PPP4R4: variants seen among roughly 807,000 people sequenced by gnomAD.
The protein encoded by PPP4R4 is protein phosphatase 4 regulatory subunit 4, also known as serine/threonine-protein phosphatase 4 regulatory subunit 4.
In PPP4R4, 70 loss-of-function variants were observed where a neutral mutation model predicts 121.8. That is an observed-to-expected ratio of 0.57 (90% CI 0.47 to 0.70). PPP4R4 has a LOEUF of 0.70. Among genes scored for constraint, PPP4R4 ranks in the 30% least tolerant of loss-of-function variants. The pLI is 0.00. For synonymous variants in PPP4R4, 348 were observed against 355.7 expected (o/e 0.98, Z 0.24); for missense variants, 875 against 1,033.6 (o/e 0.85, Z 2.10).
At chr14:94,230,759 A>C (rs779712657) in intron 4 of PPP4R4, 25 bp downstream of exon 4, 3 of 1,585,230 alleles carry the variant, frequency 1.9e-6, no homozygotes, top group Non-Finnish European at 2.6e-6. Flanking sequence ...ATGCTTAATT[A>C]TATACTTGTT....
At chr14:94,203,764 T>G (rs1890316028) in intron 2 of PPP4R4, among the ~76,000 whole-genome samples, 1 of 152,222 alleles carries the variant, frequency 6.6e-6, no homozygotes, top group African/African-American at 2.4e-5. Context: ...TCATTGTCCT[T>G]TTACTTTGTG....
At chr14:94,211,693 A>G (rs1156614806) in intron 3 of PPP4R4, among the ~76,000 whole-genome samples, 3 of 152,150 alleles carry the variant, frequency 2.0e-5, no homozygotes. Context: ...TGGTTATTGT[A>G]TGGAGAATAG....
intron 3 of PPP4R4, among the ~76,000 whole-genome samples, chr14:94,221,683 CA>C (rs1163531327): frequency 6.6e-6 from 1 of 151,832 alleles, no homozygotes; most frequent in Admixed American, 6.6e-5. Flanking sequence ...AACAAACAAA[CA>C]AAAAAACAGC....
chr14:94,198,827 G>A (rs934688223), intron 2 of PPP4R4, among the ~76,000 whole-genome samples: 1 of 152,112 alleles, frequency 6.6e-6, no homozygotes, highest in Non-Finnish European at 1.5e-5. Context: ...AAACTCAATT[G>A]CGCATTTATG....
intron 2 of PPP4R4, among the ~76,000 whole-genome samples, chr14:94,204,318 G>A (rs1038483763): frequency 2.0e-5 from 3 of 151,892 alleles, no homozygotes; most frequent in Admixed American, 2.0e-4. Context: ...AGTTGCTTCA[G>A]TGCCGTTTGA....
chr14:94,218,413 CT>C lies in PPP4R4; in HGVS notation c.294+9848del, dbSNP rs757353408. Among the ~76,000 whole-genome samples, 27 of 140,132 alleles carry C rather than the reference CT, an allele frequency of 1.9e-4. No individual in the cohort carries two copies. The East Asian group carries it at 2.4e-3, about 13-fold the overall frequency. 91.9% of individuals were successfully genotyped at this position (140,132 alleles called of 152,430 possible). A position where few individuals can be genotyped will look rare whatever the true frequency, so the allele number is the denominator to read the frequency against. On this transcript the variant is annotated intron_variant, in intron 3 of 24. Transcript: ENST00000304338. ...CACACACACACACACCTCCTCACCC[CT>C]AGACACCGCACGCGCGCGCACACAC... is the stretch of plus-strand genomic sequence containing the variant.
At chr14:94,226,449 C>G (rs1217031106) in intron 3 of PPP4R4, among the ~76,000 whole-genome samples, 1 of 152,038 alleles carries the variant, frequency 6.6e-6, no homozygotes, top group Non-Finnish European at 1.5e-5. Flanking sequence ...TTTCAGTGAT[C>G]TCATCTAGTC....
chr14:94,192,002 A>G (rs931156716), intron 2 of PPP4R4, among the ~76,000 whole-genome samples: 1 of 152,152 alleles, frequency 6.6e-6, no homozygotes, highest in Admixed American at 6.5e-5. Context: ...TTTCCTGAGC[A>G]TCAGTAAGGA....
chr14:94,214,539 T>G (rs550802587), intron 3 of PPP4R4, among the ~76,000 whole-genome samples: 1 of 151,136 alleles, frequency 6.6e-6, no homozygotes, highest in Admixed American at 6.6e-5. Context: ...AAGAAAGAAA[T>G]AATAGGAAAA....
chr14:94,275,665 T>C (rs1894599279), intron 24 of PPP4R4, 144 bp downstream of exon 24: 1 of 916,198 alleles, frequency 1.1e-6, no homozygotes, highest in Non-Finnish European at 1.6e-6. Flanking sequence ...TATTGTCACA[T>C]GTGACTCTGT....
chr14:94,254,789 A>C (rs1033566839), intron 16 of PPP4R4, among the ~76,000 whole-genome samples: 1 of 152,200 alleles, frequency 6.6e-6, no homozygotes, highest in Non-Finnish European at 1.5e-5. Context: ...TTAGCAAAGG[A>C]GAGTATTTCC....
chr14:94,220,034 C>G (rs548554389), intron 3 of PPP4R4, among the ~76,000 whole-genome samples: 24 of 152,216 alleles, frequency 1.6e-4, no homozygotes, highest in African/African-American at 5.5e-4. Flanking sequence ...CCAGCCTGGC[C>G]AACATGGTGA....
intron 13 of PPP4R4, 128 bp downstream of exon 13, chr14:94,245,798 T>G: frequency 1.8e-6 from 1 of 546,200 alleles, no homozygotes; most frequent in Non-Finnish European, 3.2e-6. Flanking sequence ...TAGCAGGTGG[T>G]CAGTAAAAGC....
intron 1 of PPP4R4, 61 bp from the exon 2 acceptor site, chr14:94,175,993 G>T: frequency 2.3e-6 from 3 of 1,323,992 alleles, no homozygotes; most frequent in Non-Finnish European, 3.3e-6. Flanking sequence ...TCACTGGGAG[G>T]TTGGGGGGCA....
intron 2 of PPP4R4, among the ~76,000 whole-genome samples, chr14:94,198,570 C>A (rs1429807435): frequency 6.6e-6 from 1 of 152,016 alleles, no homozygotes; most frequent in Non-Finnish European, 1.5e-5. Context: ...TATACTTTAC[C>A]TTTTGTGTTT....
chr14:94,243,482 C>T (rs1468709046), intron 11 of PPP4R4, among the ~76,000 whole-genome samples: 1 of 152,112 alleles, frequency 6.6e-6, no homozygotes, highest in Non-Finnish European at 1.5e-5. Flanking sequence ...GAGGGTTGTA[C>T]AAGTTTGGAG....
chr14:94,270,810 C>A (rs755419368), intron 23 of PPP4R4, among the ~76,000 whole-genome samples: 8 of 151,302 alleles, frequency 5.3e-5, no homozygotes, highest in Non-Finnish European at 1.2e-4. Context: ...CCCAGATACT[C>A]GGGAGGCTGA....
chr14:94,218,030 T>C (rs1891124769), intron 3 of PPP4R4, among the ~76,000 whole-genome samples: 1 of 152,088 alleles, frequency 6.6e-6, no homozygotes, highest in Non-Finnish European at 1.5e-5. Flanking sequence ...AAAAAGATGA[T>C]ATCTGAGATG....
chr14:94,202,025 C>G (rs906783303), intron 2 of PPP4R4, among the ~76,000 whole-genome samples: 2 of 151,812 alleles, frequency 1.3e-5, no homozygotes, highest in African/African-American at 4.8e-5. Context: ...TTGATGGAGA[C>G]TATTATTCTA....
Sources: allele counts gnomAD v4.1 joint callset (sites outside exome capture counted in the v4.1 genomes callset), GRCh38; gene constraint gnomAD v4.1.1; transcripts MANE v1.5; gene names NCBI Gene and HGNC (gene_info 2026-07-23, HGNC 2026-07-21).